COG6: variants seen among roughly 807,000 people sequenced by gnomAD.
COG6 encodes conserved oligomeric Golgi complex subunit 6.
COG6 carries 74 observed loss-of-function variants against 88.8 expected under a neutral mutation model. That is an observed-to-expected ratio of 0.83 (90% CI 0.69 to 1.01). COG6 has a LOEUF of 1.01. Ranked by LOEUF, COG6 falls within the 50% of genes least tolerant of loss-of-function variation. COG6 has a pLI of 0.00. For missense variants in COG6, 800 were observed against 797.9 expected, an observed-to-expected ratio of 1.00 and a Z score of -0.03; for synonymous variants, 286 against 278.7, an observed-to-expected ratio of 1.03 and a Z score of -0.26.
chr13:39,670,721 C>T (rs1451598942), intron 4 of COG6, among the ~76,000 whole-genome samples: 7 of 152,050 alleles, frequency 4.6e-5, no homozygotes, highest in Admixed American at 1.3e-4. Flanking sequence ...TTTGCTCTGT[C>T]ATCTAGGAAG....
At chr13:39,755,757 C>T (rs1309233754), downstream of COG6, among the ~76,000 whole-genome samples, 1 of 152,144 alleles carries the variant, frequency 6.6e-6, no homozygotes, top group Non-Finnish European at 1.5e-5. Context: ...CAAGACATGT[C>T]CCAACAGACA....
chr13:39,791,007 A>C (rs939137508), exon 19 of COG6: 1 of 152,016 alleles, frequency 6.6e-6, no homozygotes, highest in Admixed American at 6.6e-5. Flanking sequence ...ATGTTTTTCT[A>C]TTGTCTAATT....
At chr13:39,671,090 G>A (rs1000064012) in intron 4 of COG6, among the ~76,000 whole-genome samples, 1 of 151,908 alleles carries the variant, frequency 6.6e-6, no homozygotes, top group Non-Finnish European at 1.5e-5. Context: ...TATTGCCAGT[G>A]ACATGCAGGA....
At chr13:39,787,667 CTATT>C (rs1166658077) in intron 18 of COG6, among the ~76,000 whole-genome samples, 7 of 152,152 alleles carry the variant, frequency 4.6e-5, no homozygotes, top group Non-Finnish European at 1.0e-4. Context: ...AATCAGTTCT[CTATT>C]TGTGCAGGTT....
intron 18 of COG6, among the ~76,000 whole-genome samples, chr13:39,787,955 G>C (rs1192592962): frequency 1.3e-5 from 2 of 152,124 alleles, no homozygotes; most frequent in Non-Finnish European, 2.9e-5. Context: ...AGGGAAAACT[G>C]TATATATTTC....
At chr13:39,674,074 A>C (rs1187872228) in intron 4 of COG6, among the ~76,000 whole-genome samples, 1 of 151,800 alleles carries the variant, frequency 6.6e-6, no homozygotes, top group Admixed American at 6.6e-5. Flanking sequence ...ATTTTTTTTA[A>C]ATTATACTTT....
intron 18 of COG6, among the ~76,000 whole-genome samples, chr13:39,776,235 G>C (rs1049882898): frequency 3.3e-5 from 5 of 152,198 alleles, no homozygotes; most frequent in Non-Finnish European, 5.9e-5. Flanking sequence ...AGAGGCAGAG[G>C]AGGGAGGAGG....
intron 12 of COG6, among the ~76,000 whole-genome samples, chr13:39,695,268 C>G (rs936178111): frequency 6.6e-6 from 1 of 151,736 alleles, no homozygotes; most frequent in African/African-American, 2.4e-5. Context: ...CTCTACATAA[C>G]AGCAACTTTA....
intron 7 of COG6, among the ~76,000 whole-genome samples, chr13:39,681,528 A>G (rs1379379221): frequency 6.6e-6 from 1 of 152,134 alleles, no homozygotes; most frequent in Non-Finnish European, 1.5e-5. Flanking sequence ...TTCTCTATGC[A>G]TATTTTGTTT....
chr13:39,685,971 A>G (rs60386287), intron 8 of COG6, among the ~76,000 whole-genome samples: 4,093 of 152,296 alleles, frequency 0.027, 189 homozygotes, highest in African/African-American at 0.093. Flanking sequence ...TCCTCAAAAA[A>G]GGTTCATATT....
rs1167592590 is a variant in COG6 at position 39,752,321 on chromosome 13, T to C, written c.*1228T>C. ...GTTGTATATAACAAATTAGTATTTA[T>C]AGAATATGACCTATTTATCTGAAGT... On this transcript the variant is annotated 3_prime_UTR_variant, in exon 19 of 19. Transcript: ENST00000455146. The C allele has an allele frequency of 1.2e-6, 1 of 832,524 alleles. No homozygotes were observed. The highest frequency in any genetic ancestry group is 6.4e-5 in the East Asian group (1 of 15,680). 51.6% of individuals were successfully genotyped at this position (832,524 alleles called of 1,614,324 possible). A position where few individuals can be genotyped will look rare whatever the true frequency, so the allele number is the denominator to read the frequency against.
At chr13:39,772,127 C>T (rs577392285) in intron 18 of COG6, among the ~76,000 whole-genome samples, 4 of 152,304 alleles carry the variant, frequency 2.6e-5, no homozygotes, top group South Asian at 2.1e-4. Flanking sequence ...GAGCATGTAT[C>T]GGAAGATATG....
At chr13:39,743,069 A>G (rs1050288700) in intron 18 of COG6, among the ~76,000 whole-genome samples, 1 of 152,218 alleles carries the variant, frequency 6.6e-6, no homozygotes, top group Admixed American at 6.5e-5. Flanking sequence ...GAACAAAGAC[A>G]CAACATACCA....
Position 39,687,529 on chromosome 13 carries a change from C to A in COG6, c.815C>A (p.Ala272Asp). 6.2e-7 allele frequency: 1 copy of A among 1,612,970 alleles called. No individual in the cohort carries two copies. Among genetic ancestry groups the A allele is most frequent in the Non-Finnish European group, 8.5e-7 (1 of 1,179,462 alleles). ...TATACCTTAGATGAATTTGGAACAGCCAGAAGAAGTACAGTTGTTCGTGGA... is the reference window on the plus strand; with the variant it reads ...TATACCTTAGATGAATTTGGAACAGACAGAAGAAGTACAGTTGTTCGTGGA... ...YKYTLDEFGT[A>D]RRSTVVRGFI... Residue 272 changes from alanine to aspartate, a missense_variant, in exon 9 of 19, where the codon GCC becomes GAC. Physicochemically the swap from Ala to Asp is moderately radical, Grantham distance 126. Transcript: ENST00000455146.
intron 5 of COG6, among the ~76,000 whole-genome samples, chr13:39,679,045 A>G (rs973783209): frequency 3.3e-5 from 5 of 152,260 alleles, no homozygotes; most frequent in South Asian, 2.1e-4. Context: ...TTAAATATCA[A>G]TCAACAGTTT....
intron 18 of COG6, among the ~76,000 whole-genome samples, chr13:39,766,753 G>A (rs1448187066): frequency 6.6e-6 from 1 of 152,182 alleles, no homozygotes; most frequent in Admixed American, 6.5e-5. Context: ...TCTTGGCAAG[G>A]TTTGGAAGTC....
chr13:39,699,518 G>A lies in COG6; in HGVS notation c.1184G>A (p.Ser395Asn). The A allele has an allele frequency of 1.3e-6, 2 of 1,567,536 alleles. No individual in the cohort carries two copies. Among genetic ancestry groups the A allele is most frequent in the Non-Finnish European group, 1.8e-6 (2 of 1,138,876 alleles). ...GCTTTTAGTGGTATTGTTGGAAATA[G>A]TGCAACTGCATTATTGACTACCATT... ...HHTISGIVGN[S>N]ATALLTTIEE... The change falls in exon 13 of 19, where the codon AGT becomes AAT. Residue 395 changes from serine to asparagine, a missense_variant. By Grantham distance (46) the Ser-to-Asn change is conservative (BLOSUM62 1). Coordinates refer to ENST00000455146, the MANE Select transcript of COG6 (RefSeq NM_020751.3).
intron 8 of COG6, among the ~76,000 whole-genome samples, chr13:39,684,243 A>ATTTTTTTTTT (rs1203671335): frequency 0.07 from 4,699 of 67,146 alleles, 1,160 homozygotes; most frequent in African/African-American, 0.11. Flanking sequence ...AATTTGGAAG[A>ATTTTTTTTTT]TTTTTTTTTT....
At position 39,752,254 on chromosome 13, in the gene COG6, G is replaced by A. The variant is rs1181813223; in HGVS notation, c.*1161G>A. ...AAAAATAACTAGTTTGAAATATTTT[G>A]AAAAGTAATAACATAAAACTAGTAT... On this transcript the variant is annotated 3_prime_UTR_variant, in exon 19 of 19. Coordinates refer to ENST00000455146, the MANE Select transcript of COG6 (RefSeq NM_020751.3). 1 of 984,306 alleles carries A rather than the reference G, an allele frequency of 1.0e-6. No individual in the cohort carries two copies. Among genetic ancestry groups the A allele is most frequent in the Non-Finnish European group, 1.3e-6 (1 of 755,462 alleles). The allele number at this position is 984,306 out of a possible 1,614,324, so 61.0% of individuals were successfully genotyped here.
Sources: allele counts gnomAD v4.1 joint callset (sites outside exome capture counted in the v4.1 genomes callset), GRCh38; gene constraint gnomAD v4.1.1; transcripts MANE v1.5; gene names NCBI Gene and HGNC (gene_info 2026-07-23, HGNC 2026-07-21).